EYS: variants seen among roughly 807,000 people sequenced by gnomAD.
EYS encodes EGF-like photoreceptor maintenance factor.
In EYS, 250 loss-of-function variants were observed where a neutral mutation model predicts 282.1. That is an observed-to-expected ratio of 0.89 (90% confidence interval 0.80 to 0.98). EYS has a LOEUF of 0.98. EYS is among the 50% of genes least tolerant of loss of function. EYS has a pLI of 0.00. For synonymous variants in EYS, 1,355 were observed against 1,282.9 expected (o/e 1.06, Z -1.20); for missense variants, 4,016 against 3,709.0 (o/e 1.08, Z -2.15).
intron 34 of EYS, among the ~76,000 whole-genome samples, chr6:63,993,902 C>T (rs942178371): frequency 4.6e-5 from 7 of 151,752 alleles, no homozygotes; most frequent in Non-Finnish European, 8.8e-5. Context: ...CAGTATATTA[C>T]AGAGCTATAG....
At chr6:64,464,770 A>G (rs1025012864) in intron 26 of EYS, among the ~76,000 whole-genome samples, 7 of 152,022 alleles carry the variant, frequency 4.6e-5, no homozygotes, top group African/African-American at 1.7e-4. Context: ...ATAAAAATAC[A>G]AAGTACTAAT....
intron 29 of EYS, among the ~76,000 whole-genome samples, chr6:64,341,601 A>T (rs577643223): frequency 6.6e-6 from 1 of 151,806 alleles, no homozygotes; most frequent in African/African-American, 2.4e-5. Flanking sequence ...TACTATGCTC[A>T]CTAGCTGGCT....
At chr6:65,052,128 G>A (rs1237653882) in intron 13 of EYS, among the ~76,000 whole-genome samples, 1 of 151,306 alleles carries the variant, frequency 6.6e-6, no homozygotes, top group Non-Finnish European at 1.5e-5. Flanking sequence ...GGTTAGCACT[G>A]ATTATAATAT....
At chr6:63,849,842 G>C (rs1772197123) in intron 36 of EYS, among the ~76,000 whole-genome samples, 1 of 152,146 alleles carries the variant, frequency 6.6e-6, no homozygotes, top group Non-Finnish European at 1.5e-5. Flanking sequence ...AAATGGACAG[G>C]AGTAGGCTTT....
chr6:64,604,634 G>A (rs894973197), intron 24 of EYS, among the ~76,000 whole-genome samples: 4 of 151,984 alleles, frequency 2.6e-5, no homozygotes, highest in Non-Finnish European at 2.9e-5. Context: ...CAGAACTTCA[G>A]GGGATTTGCT....
chr6:63,798,474 T>TA (rs1165909857), intron 37 of EYS, among the ~76,000 whole-genome samples: 1 of 152,188 alleles, frequency 6.6e-6, no homozygotes, highest in African/African-American at 2.4e-5. Flanking sequence ...TTTTCTGTTA[T>TA]AAAAAATTGA....
chr6:64,151,677 A>G (rs1774744514), intron 31 of EYS, among the ~76,000 whole-genome samples: 1 of 152,142 alleles, frequency 6.6e-6, no homozygotes, highest in African/African-American at 2.4e-5. Context: ...GTATATTTAA[A>G]TAAGTATATA....
chr6:64,093,211 G>A (rs535058326), intron 31 of EYS, among the ~76,000 whole-genome samples: 6,204 of 151,764 alleles, frequency 0.041, 312 homozygotes, highest in African/African-American at 0.13. Context: ...TTGTTCTTTT[G>A]GCTTAGGATT....
At chr6:64,488,871 TAGG>T (rs1776651953) in intron 26 of EYS, among the ~76,000 whole-genome samples, 1 of 151,058 alleles carries the variant, frequency 6.6e-6, no homozygotes, top group East Asian at 1.9e-4. Flanking sequence ...CCAGAGTTGT[TAGG>T]AGAAGTAACA....
chr6:65,193,057 G>A (rs544766815), intron 12 of EYS, among the ~76,000 whole-genome samples: 1 of 151,988 alleles, frequency 6.6e-6, no homozygotes, highest in African/African-American at 2.4e-5. Flanking sequence ...ATTAAGTGAA[G>A]TTAGTGAGGT....
chr6:64,834,156 C>T (rs914574175), intron 19 of EYS, among the ~76,000 whole-genome samples: 2 of 151,760 alleles, frequency 1.3e-5, no homozygotes, highest in African/African-American at 2.4e-5. Flanking sequence ...AAGCTGTGAG[C>T]CAGAACACTC....
chr6:65,091,431 G>C (rs917046334), intron 12 of EYS, among the ~76,000 whole-genome samples: 8 of 146,072 alleles, frequency 5.5e-5, no homozygotes, highest in African/African-American at 2.0e-4. Flanking sequence ...GACTGGGTGA[G>C]AGAGCGAGAC....
At chr6:64,670,450 A>ATAAATG (rs1769414306) in intron 22 of EYS, among the ~76,000 whole-genome samples, 1 of 147,156 alleles carries the variant, frequency 6.8e-6, no homozygotes, top group African/African-American at 2.6e-5. Context: ...AATAAATGAA[A>ATAAATG]AAAAAACGTT....
chr6:65,017,233 A>G (rs568751467), intron 13 of EYS, among the ~76,000 whole-genome samples: 80 of 152,316 alleles, frequency 5.3e-4, no homozygotes, highest in African/African-American at 1.9e-3. Context: ...TTATAGATGC[A>G]TTTTACAAAT....
At chr6:65,566,496 T>A (rs1769285588) in intron 2 of EYS, among the ~76,000 whole-genome samples, 1 of 152,300 alleles carries the variant, frequency 6.6e-6, no homozygotes, top group Non-Finnish European at 1.5e-5. Context: ...TCCAAGTGTG[T>A]TTTTCTTTGC....
intron 30 of EYS, among the ~76,000 whole-genome samples, chr6:64,276,446 A>G (rs1437273979): frequency 6.6e-6 from 1 of 152,210 alleles, no homozygotes; most frequent in East Asian, 1.9e-4. Context: ...ATAAACACTT[A>G]ATCTAAATCA....
At chr6:65,256,310 G>T in intron 12 of EYS, among the ~76,000 whole-genome samples, 2 of 132,016 alleles carry the variant, frequency 1.5e-5, no homozygotes, top group African/African-American at 6.2e-5. Context: ...GGGTACATGT[G>T]CACATTGTGC....
intron 28 of EYS, among the ~76,000 whole-genome samples, chr6:64,399,500 C>T (rs1773480031): frequency 6.6e-6 from 1 of 151,608 alleles, no homozygotes; most frequent in Non-Finnish European, 1.5e-5. Context: ...GTAATTAATA[C>T]TTGGGAAGTC....
At chr6:64,518,243 A>G (rs1239116382) in intron 26 of EYS, among the ~76,000 whole-genome samples, 1 of 151,790 alleles carries the variant, frequency 6.6e-6, no homozygotes, top group Non-Finnish European at 1.5e-5. Context: ...TTGATTTTGG[A>G]TGTAAAAAAC....
Sources: allele counts gnomAD v4.1 joint callset (sites outside exome capture counted in the v4.1 genomes callset), GRCh38; gene constraint gnomAD v4.1.1; transcripts MANE v1.5; gene names NCBI Gene and HGNC (gene_info 2026-07-23, HGNC 2026-07-21).